CNTN4: variants seen among roughly 807,000 people sequenced by gnomAD.
CNTN4 encodes contactin 4.
A neutral mutation model predicts 122.5 loss-of-function variants in CNTN4; 77 were observed. That is an observed-to-expected ratio of 0.63 (90% CI 0.52 to 0.76). The LOEUF is 0.76. CNTN4 is among the 30% of genes least tolerant of loss of function. The probability of loss-of-function intolerance (pLI) is 0.00; values close to 1 mark genes in which losing one functional copy is unlikely to be tolerated. For synonymous variants in CNTN4, 512 were observed against 447.0 expected (o/e 1.15, Z -1.83); for missense variants, 1,256 against 1,259.1 (o/e 1.00, Z 0.04).
intron 3 of CNTN4, among the ~76,000 whole-genome samples, chr3:2,348,355 A>G (rs368112299): frequency 1.3e-5 from 2 of 152,194 alleles, no homozygotes; most frequent in Admixed American, 6.5e-5. Context: ...CCTTCTTTTC[A>G]TGGATTTAGG....
At chr3:2,940,582 CGAA>C (rs747369436) in intron 13 of CNTN4, among the ~76,000 whole-genome samples, 1 of 151,656 alleles carries the variant, frequency 6.6e-6, no homozygotes, top group Non-Finnish European at 1.5e-5. Flanking sequence ...CACACTGTGT[CGAA>C]GAAGGAGTTA....
chr3:2,473,231 CAAAAAAAAAA>C, intron 3 of CNTN4, among the ~76,000 whole-genome samples: 1 of 51,384 alleles, frequency 1.9e-5, no homozygotes, highest in African/African-American at 1.3e-4. Context: ...AACTCCATCT[CAAAAAAAAAA>C]AAAAAAAAAA....
intron 3 of CNTN4, among the ~76,000 whole-genome samples, chr3:2,455,472 C>A (rs1575668855): frequency 1.3e-5 from 2 of 152,012 alleles, no homozygotes; most frequent in East Asian, 3.9e-4. Flanking sequence ...CTTCCCTAGT[C>A]TTTTTTCTTT....
chr3:3,009,576 GGC>G (rs1309171388), intron 14 of CNTN4, among the ~76,000 whole-genome samples: 4 of 115,176 alleles, frequency 3.5e-5, no homozygotes, highest in Admixed American at 8.6e-5. Context: ...TGGGACTACA[GGC>G]GCCCGCCACC....
At chr3:2,970,100 GTTGTT>G (rs1441938673) in intron 13 of CNTN4, among the ~76,000 whole-genome samples, 3 of 149,306 alleles carry the variant, frequency 2.0e-5, no homozygotes, top group Non-Finnish European at 4.5e-5. Context: ...GTTTGTTGTT[GTTGTT>G]TTAAGAGAGA....
At chr3:2,782,399 C>A (rs527694651) in intron 6 of CNTN4, among the ~76,000 whole-genome samples, 13 of 151,214 alleles carry the variant, frequency 8.6e-5, no homozygotes, top group Non-Finnish European at 1.6e-4. Context: ...CACTAAAGAG[C>A]TTCCTAGTGG....
chr3:2,249,724 C>T (rs755760792), intron 2 of CNTN4, among the ~76,000 whole-genome samples: 2 of 151,888 alleles, frequency 1.3e-5, no homozygotes, highest in African/African-American at 2.4e-5. Context: ...ATTTCAAATG[C>T]TGAAGGTAAT....
intron 3 of CNTN4, among the ~76,000 whole-genome samples, chr3:2,499,590 C>T (rs2076542840): frequency 6.6e-6 from 1 of 152,062 alleles, no homozygotes; most frequent in Non-Finnish European, 1.5e-5. Context: ...ATTCATTGAT[C>T]TATGTGTCTG....
intron 6 of CNTN4, among the ~76,000 whole-genome samples, chr3:2,789,564 C>G (rs139773091): frequency 8.8e-4 from 134 of 152,324 alleles, no homozygotes; most frequent in African/African-American, 2.8e-3. Flanking sequence ...TCCTGAATAG[C>G]TAGGATTACA....
At chr3:2,118,653 A>T (rs892877806) in intron 2 of CNTN4, among the ~76,000 whole-genome samples, 5 of 152,206 alleles carry the variant, frequency 3.3e-5, no homozygotes, top group Non-Finnish European at 7.3e-5. Flanking sequence ...TAGGCTTCCA[A>T]ATGTTGCTAA....
At chr3:2,812,748 G>A (rs950473799) in intron 6 of CNTN4, among the ~76,000 whole-genome samples, 8 of 152,130 alleles carry the variant, frequency 5.3e-5, no homozygotes, top group African/African-American at 1.9e-4. Context: ...CATCTTAAGT[G>A]CTTTACATGC....
chr3:2,592,944 G>T (rs1411280901), intron 4 of CNTN4, among the ~76,000 whole-genome samples: 1 of 152,146 alleles, frequency 6.6e-6, no homozygotes, highest in Admixed American at 6.5e-5. Context: ...TGTACTGAGG[G>T]TTTCTAATCA....
chr3:2,821,328 T>A (rs2092866370), intron 7 of CNTN4, among the ~76,000 whole-genome samples: 1 of 152,210 alleles, frequency 6.6e-6, no homozygotes, highest in Non-Finnish European at 1.5e-5. Context: ...CCAGGACTCA[T>A]GCCCTTCTCT....
rs572033321 is a variant in CNTN4, at chr3:2,857,184, G to C, written c.455-9568G>C. ...GCATAAGTGTGGAGCTGAAAGAGTT[G>C]TATCATGTGATTTTGTTCTGTTCTC... On this transcript the variant is annotated intron_variant, in intron 7 of 24. Coordinates refer to ENST00000418658, the MANE Select transcript of CNTN4 (RefSeq NM_175607.3). Among the ~76,000 whole-genome samples, 3 of 152,318 alleles carry C rather than the reference G, an allele frequency of 2.0e-5. No homozygotes were observed. In the South Asian group the frequency reaches 6.2e-4, roughly 32 times the overall value.
chr3:2,575,890 C>T (rs1005766831), intron 4 of CNTN4, among the ~76,000 whole-genome samples: 13 of 143,748 alleles, frequency 9.0e-5, no homozygotes, highest in African/African-American at 1.0e-4. Flanking sequence ...GGTGTGATCT[C>T]GGCTCACTGC....
At chr3:2,141,065 T>C (rs1559281546) in intron 2 of CNTN4, among the ~76,000 whole-genome samples, 2 of 152,214 alleles carry the variant, frequency 1.3e-5, no homozygotes, top group Non-Finnish European at 2.9e-5. Flanking sequence ...GAATATCAGT[T>C]GCTGGGGGAG....
chr3:2,574,632 C>G (rs949344160), intron 4 of CNTN4, among the ~76,000 whole-genome samples: 1 of 152,092 alleles, frequency 6.6e-6, no homozygotes, highest in Non-Finnish European at 1.5e-5. Flanking sequence ...CTTCATTATT[C>G]TTCTTCTTCA....
intron 2 of CNTN4, among the ~76,000 whole-genome samples, chr3:2,170,244 C>CCA (rs1553589350): frequency 1.3e-5 from 2 of 151,672 alleles, no homozygotes; most frequent in African/African-American, 2.4e-5. Flanking sequence ...GGCGGGAACC[C>CCA]GGGAGGCGGA....
chr3:2,408,182 A>G (rs1482282214), intron 3 of CNTN4, among the ~76,000 whole-genome samples: 1 of 152,122 alleles, frequency 6.6e-6, no homozygotes, highest in Non-Finnish European at 1.5e-5. Context: ...GGACTAGGCC[A>G]TTTCTGTATT....
Sources: gnomAD v4.1 joint callset for allele counts (sites outside exome capture counted in the v4.1 genomes callset) on GRCh38, gnomAD v4.1.1 for gene constraint, MANE v1.5 for transcripts, NCBI Gene and HGNC (gene_info 2026-07-23, HGNC 2026-07-21) for gene names.